The following AK7 variants were observed in gnomAD, a reference collection of about 807,000 sequenced individuals.
AK7 encodes adenylate kinase 7.
A neutral mutation model predicts 96.6 loss-of-function variants in AK7; 78 were observed. That is an observed-to-expected ratio of 0.81 (90% CI 0.67 to 0.97). AK7 has a LOEUF of 0.97. Among genes scored for constraint, AK7 ranks in the 50% least tolerant of loss-of-function variants. The pLI is 0.00. For synonymous variants in AK7, 302 were observed against 317.2 expected, an observed-to-expected ratio of 0.95 and a Z score of 0.51; for missense variants, 855 against 887.9, an observed-to-expected ratio of 0.96 and a Z score of 0.47.
At chr14:96,450,380 C>T (rs1893522019) in intron 9 of AK7, among the ~76,000 whole-genome samples, 1 of 150,754 alleles carries the variant, frequency 6.6e-6, no homozygotes, top group South Asian at 2.1e-4. Context: ...CACGTCATTG[C>T]ACTCCAGCCT....
intron 4 of AK7, among the ~76,000 whole-genome samples, chr14:96,409,188 T>C (rs1490365767): frequency 6.6e-6 from 1 of 152,192 alleles, no homozygotes; most frequent in Non-Finnish European, 1.5e-5. Flanking sequence ...GCTTATCACT[T>C]ATGGTATGTA....
At chr14:96,439,591 G>A (rs1230485356) in intron 6 of AK7, among the ~76,000 whole-genome samples, 2 of 151,498 alleles carry the variant, frequency 1.3e-5, no homozygotes, top group East Asian at 1.9e-4. Flanking sequence ...GTGAACCGAG[G>A]AGGCGGAGCT....
chr14:96,413,245 A>G (rs960916423), intron 4 of AK7, among the ~76,000 whole-genome samples: 1 of 152,192 alleles, frequency 6.6e-6, no homozygotes, highest in Non-Finnish European at 1.5e-5. Flanking sequence ...GAAGGCGAGC[A>G]TCGCAAAAGT....
intron 7 of AK7, among the ~76,000 whole-genome samples, chr14:96,444,071 G>T (rs534629442): frequency 6.6e-6 from 1 of 151,936 alleles, no homozygotes; most frequent in Non-Finnish European, 1.5e-5. Flanking sequence ...CACTGCGCCC[G>T]GCCCAAAAAC....
chr14:96,395,068 T>G (rs2139968684), intron 1 of AK7, among the ~76,000 whole-genome samples: 1 of 152,286 alleles, frequency 6.6e-6, no homozygotes, highest in Non-Finnish European at 1.5e-5. Flanking sequence ...CTCATTAACG[T>G]CGGCCAGGCT....
chr14:96,462,853 C>T (rs578249208), intron 12 of AK7, among the ~76,000 whole-genome samples: 2 of 151,982 alleles, frequency 1.3e-5, no homozygotes, highest in Non-Finnish European at 2.9e-5. Context: ...AACAGTTAAC[C>T]TTGGCCAGGC....
At chr14:96,418,018 C>G (rs1036096626) in intron 4 of AK7, among the ~76,000 whole-genome samples, 5 of 151,958 alleles carry the variant, frequency 3.3e-5, no homozygotes, top group African/African-American at 1.2e-4. Flanking sequence ...ACTTTGCAGT[C>G]CTGCTTTAAA....
chr14:96,442,651 TGACTGTA>T (rs1893019601), intron 6 of AK7, 72 bp from the exon 7 acceptor site: 3 of 1,118,226 alleles, frequency 2.7e-6, no homozygotes, highest in Admixed American at 1.7e-5. Context: ...CAGTTGCCTC[TGACTGTA>T]GACTTATGTG....
intron 10 of AK7, among the ~76,000 whole-genome samples, chr14:96,453,396 TA>T (rs1313055315): frequency 2.0e-5 from 3 of 152,170 alleles, no homozygotes; most frequent in African/African-American, 7.2e-5. Flanking sequence ...ATCTAAAAAC[TA>T]AATAGGGTAT....
intron 6 of AK7, among the ~76,000 whole-genome samples, chr14:96,441,425 G>A (rs1892950287): frequency 6.6e-6 from 1 of 151,540 alleles, no homozygotes; most frequent in African/African-American, 2.4e-5. Flanking sequence ...GATCACCTGA[G>A]GTCAGGAGTT....
In AK7 at chr14:96,478,445, G is replaced by A. The variant is rs1895306973; in HGVS notation, c.1556-20G>A. 5.0e-6 allele frequency: 8 copies of A among 1,613,852 alleles called. No homozygotes were observed. The highest frequency in any genetic ancestry group is 6.8e-6 in the Non-Finnish European group (8 of 1,179,802). On this transcript the variant is annotated intron_variant, in intron 14 of 17. Transcript: ENST00000267584. ...GCTGCGCTGTATTGTGCCAACTCTGGAGTCTGTCCTTCTCCCCAGAATTCG... is the reference window on the plus strand; with the variant it reads ...GCTGCGCTGTATTGTGCCAACTCTGAAGTCTGTCCTTCTCCCCAGAATTCG...
intron 15 of AK7, among the ~76,000 whole-genome samples, chr14:96,482,422 C>T (rs1166350228): frequency 1.3e-5 from 2 of 152,120 alleles, no homozygotes; most frequent in Non-Finnish European, 2.9e-5. Flanking sequence ...TAGAATTTAC[C>T]ACCTCAGTGA....
At chr14:96,426,368 A>G (rs901732537) in intron 5 of AK7, among the ~76,000 whole-genome samples, 1 of 152,056 alleles carries the variant, frequency 6.6e-6, no homozygotes, top group African/African-American at 2.4e-5. Context: ...ATCTTATTGT[A>G]CTGTGTCATA....
intron 5 of AK7, chr14:96,421,450 A>G (rs966986699): frequency 6.6e-6 from 1 of 151,990 alleles, no homozygotes; most frequent in East Asian, 1.9e-4. Context: ...TCCTCAGCGC[A>G]TTTCCTGGCG....
At chr14:96,415,686 T>C (rs909331876) in intron 4 of AK7, among the ~76,000 whole-genome samples, 2 of 151,634 alleles carry the variant, frequency 1.3e-5, no homozygotes, top group Admixed American at 6.6e-5. Context: ...AAAATCAGTT[T>C]TGTTACAAAT....
intron 12 of AK7, among the ~76,000 whole-genome samples, chr14:96,462,754 G>A (rs1347671628): frequency 6.6e-6 from 1 of 152,078 alleles, no homozygotes; most frequent in Non-Finnish European, 1.5e-5. Context: ...ACTGTACATG[G>A]GTCATTGTAA....
chr14:96,458,351 T>C (rs1894056426), intron 12 of AK7, 139 bp downstream of exon 12: 1 of 1,154,622 alleles, frequency 8.7e-7, no homozygotes, highest in East Asian at 2.7e-5. Context: ...ATCCCAGCAC[T>C]TTGGGAGTCT....
At chr14:96,411,482 GC>G (rs1351676727) in intron 4 of AK7, among the ~76,000 whole-genome samples, 1 of 151,960 alleles carries the variant, frequency 6.6e-6, no homozygotes, top group East Asian at 1.9e-4. Flanking sequence ...CTGTACTCCA[GC>G]CTGGGCGACA....
Position 96,398,230 on chromosome 14 carries a change from C to T in AK7, c.261C>T (p.Ser87=). ...TGGGCACGCTGTCCAAGCCTGACAG[C>T]CCGCGGCCTGACTTTGCGGTGGAGA... ...QIVGTLSKPD[S]PRPDFAVETY... Residue 87 remains serine, a synonymous_variant, in exon 2 of 18, where the codon AGC becomes AGT. Coordinates refer to ENST00000267584, the MANE Select transcript of AK7 (RefSeq NM_152327.5). The T allele has an allele frequency of 6.2e-7, 1 of 1,613,612 alleles. No individual in the cohort carries two copies. The highest frequency in any genetic ancestry group is 8.5e-7 in the Non-Finnish European group (1 of 1,180,012).
Sources: gnomAD v4.1 joint callset for allele counts (sites outside exome capture counted in the v4.1 genomes callset) on GRCh38, gnomAD v4.1.1 for gene constraint, MANE v1.5 for transcripts, NCBI Gene and HGNC (gene_info 2026-07-23, HGNC 2026-07-21) for gene names.